Variants in TPD52 observed in about 807,000 individuals in gnomAD.
TPD52 encodes the protein tumor protein D52.
A neutral mutation model predicts 31.3 loss-of-function variants in TPD52; 17 were observed. The observed-to-expected ratio is 0.54, with a 90% confidence interval of 0.37 to 0.82. The LOEUF (loss-of-function observed/expected upper bound fraction) is 0.82. Ranked by LOEUF, TPD52 falls within the 40% of genes least tolerant of loss-of-function variation. TPD52 has a pLI of 0.00. For missense variants in TPD52, 212 were observed against 240.1 expected (o/e 0.88, Z 0.77); for synonymous variants, 83 against 89.6 (o/e 0.93, Z 0.42).
intron 2 of TPD52, among the ~76,000 whole-genome samples, chr8:80,064,102 A>C (rs1358100468): frequency 6.6e-6 from 1 of 151,920 alleles, no homozygotes; most frequent in East Asian, 1.9e-4. Context: ...GAAAGGCGGA[A>C]GGAAGTTGGA....
At chr8:80,084,892 G>A (rs371475145) in intron 1 of TPD52, among the ~76,000 whole-genome samples, 2 of 152,228 alleles carry the variant, frequency 1.3e-5, no homozygotes, top group Admixed American at 1.3e-4. Flanking sequence ...ATTCACTTTA[G>A]ATGCTACCTG....
At chr8:80,031,365 A>G (rs1041099244), downstream of TPD52, among the ~76,000 whole-genome samples, 2 of 152,248 alleles carry the variant, frequency 1.3e-5, no homozygotes, top group African/African-American at 4.8e-5. Context: ...AATTATTACT[A>G]GCTAACTGTA....
intron 1 of TPD52, among the ~76,000 whole-genome samples, chr8:80,167,966 G>C (rs1811827106): frequency 6.6e-6 from 1 of 152,156 alleles, no homozygotes; most frequent in African/African-American, 2.4e-5. Context: ...GTAGTCAGGA[G>C]GGTTTTCTAC....
chr8:80,155,131 A>G (rs12543481), intron 1 of TPD52, among the ~76,000 whole-genome samples: 68,358 of 151,330 alleles, frequency 0.45, 15,622 homozygotes, highest in East Asian at 0.72. Context: ...CCAAGTAGCT[A>G]GGATTACAGG....
chr8:80,141,645 C>T (rs1219938336), intron 1 of TPD52, among the ~76,000 whole-genome samples: 2 of 152,332 alleles, frequency 1.3e-5, no homozygotes, highest in East Asian at 3.9e-4. Flanking sequence ...GGCGCGGGGG[C>T]TCACGCCTGT....
At chr8:80,114,746 C>G (rs1034116234) in intron 1 of TPD52, among the ~76,000 whole-genome samples, 2 of 152,158 alleles carry the variant, frequency 1.3e-5, no homozygotes, top group African/African-American at 4.8e-5. Context: ...GGCTGCCTTG[C>G]CTATACCACA....
chr8:80,157,558 A>T (rs1811057054), intron 1 of TPD52, among the ~76,000 whole-genome samples: 1 of 152,216 alleles, frequency 6.6e-6, no homozygotes, highest in Non-Finnish European at 1.5e-5. Context: ...CATTTCTCAA[A>T]AAAACCCGAG....
chr8:80,095,053 C>G (rs1816629310), intron 1 of TPD52, among the ~76,000 whole-genome samples: 1 of 151,956 alleles, frequency 6.6e-6, no homozygotes, highest in Non-Finnish European at 1.5e-5. Flanking sequence ...AACTTATGAC[C>G]ACACAAAACC....
intron 1 of TPD52, among the ~76,000 whole-genome samples, chr8:80,124,068 T>G (rs1005386145): frequency 6.6e-6 from 1 of 152,024 alleles, no homozygotes; most frequent in African/African-American, 2.4e-5. Context: ...CATCCCTCTT[T>G]GGAGAACTGT....
intron 1 of TPD52, among the ~76,000 whole-genome samples, chr8:80,165,546 T>C (rs534838024): frequency 6.6e-6 from 1 of 152,328 alleles, no homozygotes; most frequent in South Asian, 2.1e-4. Context: ...TCCTCTCTTT[T>C]TCCTGAAAGC....
chr8:80,147,711 G>A (rs902786386), intron 1 of TPD52, among the ~76,000 whole-genome samples: 10 of 152,066 alleles, frequency 6.6e-5, no homozygotes, highest in African/African-American at 2.4e-4. Context: ...AAAAAAGGGA[G>A]CTCTGAGACC....
At chr8:80,158,785 A>G (rs1421628903) in intron 1 of TPD52, 2 of 151,500 alleles carry the variant, frequency 1.3e-5, no homozygotes, top group East Asian at 3.9e-4. Context: ...TCTACTAAAA[A>G]TACAAAAAAT....
At chr8:80,134,788 A>T (rs1349424512) in intron 1 of TPD52, among the ~76,000 whole-genome samples, 1 of 152,234 alleles carries the variant, frequency 6.6e-6, no homozygotes, top group Non-Finnish European at 1.5e-5. Flanking sequence ...CCAACTGTCA[A>T]CTTGACCACA....
downstream of TPD52, among the ~76,000 whole-genome samples, chr8:80,031,655 C>T (rs909530491): frequency 2.6e-5 from 4 of 151,820 alleles, no homozygotes; most frequent in South Asian, 2.1e-4. Context: ...ATGAGGAGTC[C>T]GAGACCAGCT....
chr8:80,126,494 T>TTTG (rs1808615813), intron 1 of TPD52, among the ~76,000 whole-genome samples: 1 of 150,430 alleles, frequency 6.6e-6, no homozygotes, highest in Admixed American at 6.6e-5. Context: ...TTTTTTTTTT[T>TTTG]TTTTTGAGAC....
At chr8:80,068,904 C>T (rs80153714) in intron 1 of TPD52, among the ~76,000 whole-genome samples, 29,360 of 152,186 alleles carry the variant, frequency 0.19, 3,026 homozygotes, top group South Asian at 0.3. Flanking sequence ...TGCAAACATG[C>T]TTCAAAATTT....
At chr8:80,155,171 C>G (rs1810873396) in intron 1 of TPD52, among the ~76,000 whole-genome samples, 1 of 151,858 alleles carries the variant, frequency 6.6e-6, no homozygotes, top group African/African-American at 2.4e-5. Flanking sequence ...CCTGATGTTA[C>G]TATTGTAATT....
chr8:80,166,661 T>C (rs955624719), intron 1 of TPD52, among the ~76,000 whole-genome samples: 1 of 151,744 alleles, frequency 6.6e-6, no homozygotes, highest in African/African-American at 2.4e-5. Flanking sequence ...CCCAGCACTT[T>C]GGGAGGCCAA....
At chr8:80,085,157 A>G (rs1266764107) in intron 1 of TPD52, among the ~76,000 whole-genome samples, 2 of 152,248 alleles carry the variant, frequency 1.3e-5, no homozygotes, top group Non-Finnish European at 2.9e-5. Context: ...GGGCAGAAAG[A>G]GAAATCCATT....
Sources: allele counts gnomAD v4.1 joint callset (sites outside exome capture counted in the v4.1 genomes callset), GRCh38; gene constraint gnomAD v4.1.1; transcripts MANE v1.5; gene names NCBI Gene and HGNC (gene_info 2026-07-23, HGNC 2026-07-21).